The following FSIP2 variants were observed in gnomAD, a reference collection of about 807,000 sequenced individuals.
The protein encoded by FSIP2 is fibrous sheath-interacting protein 2.
A neutral mutation model predicts 510.5 loss-of-function variants in FSIP2; 367 were observed. That is an observed-to-expected ratio of 0.72 (90% CI 0.66 to 0.78). The LOEUF (loss-of-function observed/expected upper bound fraction) is 0.78. Among genes scored for constraint, FSIP2 ranks in the 30% least tolerant of loss-of-function variants. FSIP2 has a pLI of 0.00. For synonymous variants in FSIP2, 2,601 were observed against 2,732.2 expected, an observed-to-expected ratio of 0.95 and a Z score of 1.50; for missense variants, 7,594 against 7,901.7, an observed-to-expected ratio of 0.96 and a Z score of 1.48.
At chr2:185,832,667 G>A (rs6743211) in intron 22 of FSIP2, among the ~76,000 whole-genome samples, 1 of 151,530 alleles carries the variant, frequency 6.6e-6, no homozygotes, top group Non-Finnish European at 1.5e-5. Context: ...CAAAAAAAAT[G>A]CAAATAGGAA....
At chr2:185,761,146 T>G in intron 10 of FSIP2, 43 bp downstream of exon 10, 1 of 768,820 alleles carries the variant, frequency 1.3e-6, no homozygotes, top group Non-Finnish European at 2.0e-6. Flanking sequence ...ATTTATTAAT[T>G]TATCTACTTA....
Position 185,794,778 on chromosome 2 carries a change from G to T in FSIP2, c.7642G>T (p.Gly2548Trp). The part of the protein sequence containing the change: ...VANDIVESVL[G>W]KMYLVVVTSL... ...AAATGACATAGTTGAAAGTGTTTTG[G>T]GGAAAATGTACTTGGTAGTTGTGAC... The change falls in exon 16 of 23, where the codon GGG becomes TGG. Residue 2548 changes from glycine to tryptophan, a missense_variant. Gly to Trp is a radical substitution (Grantham distance 184). Transcript: ENST00000424728. The T allele has an allele frequency of 1.3e-6, 2 of 1,534,120 alleles. No individual in the cohort carries two copies. The highest frequency in any genetic ancestry group is 1.7e-6 in the Non-Finnish European group (2 of 1,145,672).
At chr2:185,783,402 C>G (rs541373156) in intron 14 of FSIP2, among the ~76,000 whole-genome samples, 1 of 152,096 alleles carries the variant, frequency 6.6e-6, no homozygotes, top group South Asian at 2.1e-4. Context: ...TATTTTACAC[C>G]CAATGCCATC....
In FSIP2 at chr2:185,804,319, G is replaced by A. The variant is rs560386690; in HGVS notation, c.15013G>A (p.Asp5005Asn). ...CACCACATCAGAGATTTTAGTTGCA[G>A]ATAACTTTGATAAAAATTTGTGTTT... ...EFTTSEILVA[D>N]NFDKNLCFSE... Residue 5005 changes from aspartate to asparagine, a missense_variant, in exon 17 of 23, where the codon GAT becomes AAT. By Grantham distance (23) the Asp-to-Asn change is conservative. Coordinates refer to ENST00000424728, the MANE Select transcript of FSIP2 (RefSeq NM_173651.4). 2 of 1,507,902 alleles carry A rather than the reference G, an allele frequency of 1.3e-6. No individual in the cohort carries two copies. Among genetic ancestry groups the A allele is most frequent in the African/African-American group, 2.8e-5 (2 of 71,364 alleles). The allele number at this position is 1,507,902 out of a possible 1,614,324, so 93.4% of individuals were successfully genotyped here. A position where few individuals can be genotyped will look rare whatever the true frequency, so the allele number is the denominator to read the frequency against.
chr2:185,768,863 A>T (rs1692550399), intron 13 of FSIP2, among the ~76,000 whole-genome samples: 1 of 152,076 alleles, frequency 6.6e-6, no homozygotes, highest in Non-Finnish European at 1.5e-5. Flanking sequence ...GCTCCCACTT[A>T]TAAGTGAGAA....
chr2:185,741,809 T>C (rs575360776), intron 2 of FSIP2, among the ~76,000 whole-genome samples: 1 of 152,310 alleles, frequency 6.6e-6, no homozygotes, highest in South Asian at 2.1e-4. Context: ...TAGTATCTTA[T>C]TTTGTTCCTC....
chr2:185,756,299 G>A (rs1225094508), intron 9 of FSIP2, 21 bp downstream of exon 9: 4 of 911,972 alleles, frequency 4.4e-6, no homozygotes, highest in African/African-American at 3.4e-5. Context: ...ATTGTGACAA[G>A]AAACACTAGA....
Position 185,806,050 on chromosome 2 carries a change from A to C in FSIP2, c.16744A>C (p.Ile5582Leu), listed in dbSNP as rs766638860. Residue 5582 changes from isoleucine to leucine, a missense_variant, in exon 17 of 23, where the codon ATA becomes CTA. By Grantham distance (5) the Ile-to-Leu change is conservative (BLOSUM62 2). Coordinates refer to ENST00000424728, the MANE Select transcript of FSIP2 (RefSeq NM_173651.4). ...PTDKKGKDDE[I>L]YTHFSLIIDD... ...AGATAAAAAAGGGAAAGATGATGAG[A>C]TATACACACATTTTTCATTAATAAT... is the stretch of plus-strand genomic sequence containing the variant. 4 of 1,552,766 alleles carry C rather than the reference A, an allele frequency of 2.6e-6. No individual in the cohort carries two copies. Among genetic ancestry groups the C allele is most frequent in the Non-Finnish European group, 3.5e-6 (4 of 1,143,070 alleles).
rs1693588261 is a variant in FSIP2 at position 185,806,661 on chromosome 2, G to A, written c.17355G>A (p.Lys5785=). ...GTAAACCTGGAATTTTTCCCGCTAAGTTTTTAGAAGATGTTATTACTGAGA... is the reference window on the plus strand; with the variant it reads ...GTAAACCTGGAATTTTTCCCGCTAAATTTTTAGAAGATGTTATTACTGAGA... ...RESKPGIFPA[K]FLEDVITEMV... is the part of the protein sequence containing the mutation. The change falls in exon 17 of 23, where the codon AAG becomes AAA. Residue 5785 remains lysine (K), a synonymous_variant. Coordinates refer to ENST00000424728, the MANE Select transcript of FSIP2 (RefSeq NM_173651.4). 2.5e-6 allele frequency: 4 copies of A among 1,603,208 alleles called. No homozygotes were observed. Among genetic ancestry groups the A allele is most frequent in the Non-Finnish European group, 3.4e-6 (4 of 1,176,494 alleles).
At chr2:185,826,773 A>G (rs1462376207) in intron 20 of FSIP2, among the ~76,000 whole-genome samples, 1 of 151,830 alleles carries the variant, frequency 6.6e-6, no homozygotes, top group African/African-American at 2.4e-5. Flanking sequence ...GGAGCAACCA[A>G]AGGTGAAGGA....
chr2:185,828,850 C>T (rs1694060045), intron 21 of FSIP2, among the ~76,000 whole-genome samples: 1 of 151,798 alleles, frequency 6.6e-6, no homozygotes, highest in Non-Finnish European at 1.5e-5. Flanking sequence ...CGAGTGGGTC[C>T]TTCCACCCCC....
In FSIP2 at chr2:185,739,406, G is replaced by A. The variant is rs563690900; in HGVS notation, c.160G>A (p.Gly54Arg). The A allele has an allele frequency of 1.3e-6, 2 of 1,535,272 alleles. No individual in the cohort carries two copies. Among genetic ancestry groups the A allele is most frequent in the East Asian group, 4.9e-5 (2 of 40,812 alleles). ...GGCTCAGCTACTGGACCTACCTCTC[G>A]GGGTCAAGCTGCCTGTGATCCCAGG... Reference protein sequence around the residue: ...GPAQLLDLPLGVKLPVIPGSN... With the variant: ...GPAQLLDLPLRVKLPVIPGSN... The change falls in exon 2 of 23, where the codon GGG (glycine) becomes AGG (arginine). Residue 54 changes from glycine to arginine, a missense_variant. Gly to Arg is a moderately radical substitution (Grantham distance 125). Transcript: ENST00000424728.
chr2:185,814,088 T>G (rs1693790212), intron 18 of FSIP2, 46 bp downstream of exon 18: 1 of 1,542,938 alleles, frequency 6.5e-7, no homozygotes. Flanking sequence ...GGGAGACATC[T>G]TCACAAATCT....
At chr2:185,832,599 TA>T (rs1694128550) in intron 22 of FSIP2, among the ~76,000 whole-genome samples, 2 of 151,798 alleles carry the variant, frequency 1.3e-5, no homozygotes, top group African/African-American at 4.8e-5. Context: ...TATAAAATAA[TA>T]ATTTTGTTAA....
chr2:185,781,928 C>G (rs1692857913), intron 13 of FSIP2, among the ~76,000 whole-genome samples: 1 of 151,930 alleles, frequency 6.6e-6, no homozygotes, highest in Admixed American at 6.6e-5. Context: ...AGCTCCGCCT[C>G]CCAGGTTCAC....
At chr2:185,781,944 TC>T (rs1194068055) in intron 13 of FSIP2, among the ~76,000 whole-genome samples, 1 of 151,996 alleles carries the variant, frequency 6.6e-6, no homozygotes, top group Non-Finnish European at 1.5e-5. Context: ...TTCACGCCAT[TC>T]TCCTGCCTCA....
At chr2:185,777,716 G>T (rs1385929553) in intron 13 of FSIP2, among the ~76,000 whole-genome samples, 1 of 151,700 alleles carries the variant, frequency 6.6e-6, no homozygotes, top group East Asian at 1.9e-4. Context: ...TCTATCTATC[G>T]TGTGTTTTTC....
chr2:185,796,174 A>G lies in FSIP2; in HGVS notation c.9038A>G (p.Lys3013Arg). Residue 3013 changes from lysine to arginine, a missense_variant, in exon 16 of 23, where the codon AAA becomes AGA. Physicochemically the swap from Lys to Arg is conservative, Grantham distance 26. Coordinates refer to ENST00000424728, the MANE Select transcript of FSIP2 (RefSeq NM_173651.4). Reference sequence around the variant, plus strand: ...GACTTGCAGTTTAAACATATCTCCAAATATGAGTTTTCTGAAATTGTGAAA... The same window carrying G: ...GACTTGCAGTTTAAACATATCTCCAGATATGAGTTTTCTGAAATTGTGAAA... ...FVDLQFKHIS[K>R]YEFSEIVKMP... The G allele has an allele frequency of 6.5e-7, 1 of 1,532,900 alleles. No homozygotes were observed. Among genetic ancestry groups the G allele is most frequent in the Admixed American group, 2.0e-5 (1 of 50,694 alleles). 95.0% of individuals were successfully genotyped at this position (1,532,900 alleles called of 1,614,324 possible).
At chr2:185,773,728 A>T (rs1692658886) in intron 13 of FSIP2, among the ~76,000 whole-genome samples, 1 of 152,116 alleles carries the variant, frequency 6.6e-6, no homozygotes, top group South Asian at 2.1e-4. Context: ...CTTTCCTGTT[A>T]ATTGTGTCAT....
Sources: gnomAD v4.1 joint callset for allele counts (sites outside exome capture counted in the v4.1 genomes callset) on GRCh38, gnomAD v4.1.1 for gene constraint, MANE v1.5 for transcripts, NCBI Gene and HGNC (gene_info 2026-07-23, HGNC 2026-07-21) for gene names.